The following MKLN1 variants were observed in gnomAD, a reference collection of about 807,000 sequenced individuals.
MKLN1 encodes muskelin.
Under a neutral mutation model 99.0 loss-of-function variants are expected in MKLN1, and 18 were observed. That is an observed-to-expected ratio of 0.18 (90% confidence interval 0.13 to 0.27). The LOEUF (loss-of-function observed/expected upper bound fraction) is 0.27. Ranked by LOEUF, MKLN1 falls within the 10% of genes least tolerant of loss-of-function variation. The pLI is 1.00. For synonymous variants in MKLN1, 288 were observed against 293.2 expected (o/e 0.98, Z 0.18); for missense variants, 621 against 875.9 (o/e 0.71, Z 3.67).
At chr7:131,431,808 A>C (rs1206254894) in intron 9 of MKLN1, among the ~76,000 whole-genome samples, 1 of 152,196 alleles carries the variant, frequency 6.6e-6, no homozygotes, top group African/African-American at 2.4e-5. Flanking sequence ...TTACTTTTCC[A>C]GCCTCATCTC....
At chr7:131,121,695 A>C (rs1322311668) in intron 1 of MKLN1, among the ~76,000 whole-genome samples, 1 of 149,334 alleles carries the variant, frequency 6.7e-6, no homozygotes, top group Non-Finnish European at 1.5e-5. Context: ...ATGTCTTTAT[A>C]GCAATGCAAG....
rs115106351 is a variant in MKLN1 at position 131,261,829 on chromosome 7, A to G, written c.-179+58855A>G. 4.1e-3 allele frequency among the ~76,000 whole-genome samples: 623 copies of G among 152,356 alleles called. 3 individuals are homozygous for G. Among genetic ancestry groups the G allele is most frequent in the African/African-American group, 0.014 (594 of 41,586 alleles). ...TACTATGCAGCCATAAAAACAAAAG[A>G]TCATGTCCTTTGCAGCAATGTGGAT... On this transcript the variant is annotated intron_variant, in intron 3 of 7. Coordinates refer to the MKLN1 transcript ENST00000416992.
intron 3 of MKLN1, among the ~76,000 whole-genome samples, chr7:131,245,113 G>A (rs1338403794): frequency 2.6e-5 from 4 of 151,980 alleles, no homozygotes; most frequent in African/African-American, 4.8e-5. Context: ...CTAAATTCAC[G>A]GTCAAAAATA....
At chr7:131,349,838 T>C (rs1485299200) in intron 1 of MKLN1, among the ~76,000 whole-genome samples, 1 of 152,236 alleles carries the variant, frequency 6.6e-6, no homozygotes, top group African/African-American at 2.4e-5. Context: ...ATCAAACTTC[T>C]GTATAGGAAT....
At chr7:131,439,288 CT>C (rs572996673) in intron 10 of MKLN1, among the ~76,000 whole-genome samples, 102 of 145,784 alleles carry the variant, frequency 7.0e-4, no homozygotes, top group Admixed American at 8.9e-4. Context: ...ATGCTGATGT[CT>C]TTTTTTTTTT....
chr7:131,449,356 G>T (rs1796111456), intron 12 of MKLN1, among the ~76,000 whole-genome samples: 1 of 152,116 alleles, frequency 6.6e-6, no homozygotes, highest in South Asian at 2.1e-4. Flanking sequence ...TTTTTTTTCT[G>T]AATAAAATAG....
At chr7:131,320,051 G>A (rs889460896) in intron 3 of MKLN1, among the ~76,000 whole-genome samples, 5 of 152,082 alleles carry the variant, frequency 3.3e-5, no homozygotes, top group Non-Finnish European at 7.4e-5. Flanking sequence ...CTACCATTGA[G>A]TTTCTTTGCA....
chr7:131,376,095 AATATATATATATATATATATATATAT>A (rs60323728), intron 2 of MKLN1, among the ~76,000 whole-genome samples: 6 of 108,076 alleles, frequency 5.6e-5, no homozygotes, highest in African/African-American at 1.8e-4. Flanking sequence ...AATTCATGGA[AATATATATATATATATATATATATAT>A]ATATATATAT....
chr7:131,326,459 C>T (rs1798891530), upstream of MKLN1, among the ~76,000 whole-genome samples: 1 of 152,134 alleles, frequency 6.6e-6, no homozygotes, highest in African/African-American at 2.4e-5. Flanking sequence ...ATTCTTGTGC[C>T]TCGGCCTCCC....
chr7:131,266,582 C>T (rs540627191), intron 3 of MKLN1, among the ~76,000 whole-genome samples: 1 of 152,248 alleles, frequency 6.6e-6, no homozygotes, highest in Non-Finnish European at 1.5e-5. Context: ...CATAGTTCTA[C>T]ATGGCCACAC....
chr7:131,238,153 A>T lies in MKLN1; in HGVS notation c.-179+35179A>T, dbSNP rs141514800. Among the ~76,000 whole-genome samples, 9 of 152,260 alleles carry T rather than the reference A, an allele frequency of 5.9e-5. No individual in the cohort carries two copies. The East Asian group carries it at 1.7e-3, about 29-fold the overall frequency. On this transcript the variant is annotated intron_variant, in intron 3 of 7. Coordinates refer to the MKLN1 transcript ENST00000416992. ...CAGAGTGAGACCCTGTCTCAAAAAA[A>T]ACAAGCAAAAAGCTAAAGGGCTATC...
intron 17 of MKLN1, among the ~76,000 whole-genome samples, chr7:131,483,851 A>G (rs975911109): frequency 6.6e-6 from 1 of 152,246 alleles, no homozygotes; most frequent in Non-Finnish European, 1.5e-5. Context: ...CATGTCTGCA[A>G]TGACCACAGA....
intron 1 of MKLN1, among the ~76,000 whole-genome samples, chr7:131,329,132 G>A (rs1798990280): frequency 6.6e-6 from 1 of 152,212 alleles, no homozygotes; most frequent in African/African-American, 2.4e-5. Context: ...GCATACTCAA[G>A]TAAGTTTTCC....
At chr7:131,172,763 A>T (rs566734494) in intron 2 of MKLN1, among the ~76,000 whole-genome samples, 1 of 152,236 alleles carries the variant, frequency 6.6e-6, no homozygotes, top group Non-Finnish European at 1.5e-5. Flanking sequence ...TACAAACCTG[A>T]TGTTGGACTT....
In MKLN1 at chr7:131,452,544, C is replaced by CTTTTTTTTT. The variant is rs1159344518; in HGVS notation, c.1525+6658_1525+6666dup. Among the ~76,000 whole-genome samples, 300 of 70,352 alleles carry CTTTTTTTTT rather than the reference C, an allele frequency of 4.3e-3. 6 individuals are homozygous for CTTTTTTTTT. Among genetic ancestry groups the CTTTTTTTTT allele is most frequent in the Middle Eastern group, 0.014 (1 of 74 alleles). The allele number at this position is 70,352 out of a possible 152,430, so 46.2% of individuals were successfully genotyped here. The stretch of plus-strand genomic sequence containing the variant: ...TCTTTATGTTTCTGATCCTTTTATA[C>CTTTTTTTTT]TTTTTTTTTTTTTTTTTTTTTTTTT... On this transcript the variant is annotated intron_variant, in intron 12 of 17. Transcript: ENST00000352689.
At position 131,339,908 on chromosome 7, in the gene MKLN1, C is replaced by CT. The variant is rs200340898; in HGVS notation, c.98+11921dup. Among the ~76,000 whole-genome samples the CT allele has an allele frequency of 8.7e-3, 1,292 of 147,756 alleles. 10 individuals are homozygous for CT. Among genetic ancestry groups the CT allele is most frequent in the Non-Finnish European group, 0.014 (951 of 66,712 alleles). ...ATTTAATACTTTAAAAATATTCCTA[C>CT]TTTTTTTTTTAGTATGACTAATATT... On this transcript the variant is annotated intron_variant, in intron 1 of 17. Transcript: ENST00000352689.
chr7:131,255,767 G>A (rs1797648470), intron 3 of MKLN1, among the ~76,000 whole-genome samples: 3 of 151,998 alleles, frequency 2.0e-5, no homozygotes. Context: ...TTTTAGTAGA[G>A]ACTGGGTTTC....
intron 9 of MKLN1, among the ~76,000 whole-genome samples, chr7:131,434,832 A>C (rs1324707099): frequency 6.6e-6 from 1 of 152,188 alleles, no homozygotes; most frequent in Non-Finnish European, 1.5e-5. Flanking sequence ...TGATGGGGTT[A>C]CAGGCATGAG....
chr7:131,386,706 T>C (rs1465459041), intron 2 of MKLN1, among the ~76,000 whole-genome samples: 1 of 152,194 alleles, frequency 6.6e-6, no homozygotes, highest in African/African-American at 2.4e-5. Flanking sequence ...ATCTAAAAAT[T>C]TTAGTGCCGC....
Sources: allele counts gnomAD v4.1 joint callset (sites outside exome capture counted in the v4.1 genomes callset), GRCh38; gene constraint gnomAD v4.1.1; transcripts MANE v1.5; gene names NCBI Gene and HGNC (gene_info 2026-07-23, HGNC 2026-07-21).